Variants in FILIP1L observed in about 807,000 individuals in gnomAD.
FILIP1L encodes filamin A-interacting protein 1-like.
In FILIP1L, 55 loss-of-function variants were observed where a neutral mutation model predicts 96.6. The observed-to-expected ratio is 0.57, with a 90% CI of 0.46 to 0.71. The LOEUF (loss-of-function observed/expected upper bound fraction) is 0.71, where lower values mean the gene tolerates loss of function less well. Among genes scored for constraint, FILIP1L ranks in the 30% least tolerant of loss-of-function variants. FILIP1L has a pLI of 0.00. For missense variants in FILIP1L, 1,304 were observed against 1,321.2 expected (o/e 0.99, Z 0.20); for synonymous variants, 467 against 473.9 (o/e 0.99, Z 0.19).
chr3:99,919,244 TA>T (rs1432058898), intron 4 of FILIP1L, among the ~76,000 whole-genome samples: 2 of 151,956 alleles, frequency 1.3e-5, no homozygotes, highest in Non-Finnish European at 2.9e-5. Context: ...GCATTAATGT[TA>T]TTACATTAGT....
chr3:99,990,554 A>C (rs923465735), intron 1 of FILIP1L, among the ~76,000 whole-genome samples: 8 of 152,210 alleles, frequency 5.3e-5, no homozygotes, highest in Non-Finnish European at 1.2e-4. Flanking sequence ...GTTTTCAGTC[A>C]TGGCCACAAT....
At chr3:100,067,574 C>G (rs538187124) in intron 1 of FILIP1L, among the ~76,000 whole-genome samples, 1 of 152,120 alleles carries the variant, frequency 6.6e-6, no homozygotes, top group Non-Finnish European at 1.5e-5. Flanking sequence ...GATTCAGATA[C>G]AGGTTTATTT....
intron 1 of FILIP1L, among the ~76,000 whole-genome samples, chr3:100,007,465 A>C (rs1372222396): frequency 1.3e-5 from 2 of 152,216 alleles, no homozygotes; most frequent in East Asian, 3.8e-4. Flanking sequence ...AAAAATGAGA[A>C]GATGAAATGA....
chr3:99,915,716 A>G (rs1706930213), intron 4 of FILIP1L, among the ~76,000 whole-genome samples: 1 of 152,078 alleles, frequency 6.6e-6, no homozygotes, highest in Non-Finnish European at 1.5e-5. Context: ...CAATTCTCCT[A>G]CACTAAAGGA....
chr3:100,091,849 T>G (rs908720321), intron 1 of FILIP1L, among the ~76,000 whole-genome samples: 1 of 152,230 alleles, frequency 6.6e-6, no homozygotes, highest in African/African-American at 2.4e-5. Flanking sequence ...TTGTTCCGAT[T>G]CCACGTTGGG....
At chr3:99,938,750 C>T (rs1707768853) in intron 1 of FILIP1L, among the ~76,000 whole-genome samples, 1 of 152,008 alleles carries the variant, frequency 6.6e-6, no homozygotes, top group Admixed American at 6.5e-5. Flanking sequence ...ATGTTAATAG[C>T]GCTCAGTTGC....
At chr3:100,103,939 C>G (rs532888685) in intron 1 of FILIP1L, among the ~76,000 whole-genome samples, 1 of 152,252 alleles carries the variant, frequency 6.6e-6, no homozygotes, top group South Asian at 2.1e-4. Context: ...GCCAAGGTTC[C>G]TGACAGCTTG....
At chr3:99,989,465 T>C (rs546975778) in intron 1 of FILIP1L, among the ~76,000 whole-genome samples, 12 of 152,308 alleles carry the variant, frequency 7.9e-5, no homozygotes, top group Admixed American at 7.8e-4. Context: ...ACTACAGCAC[T>C]CTGGATGTTT....
At chr3:99,900,760 G>A (rs540974203) in intron 4 of FILIP1L, among the ~76,000 whole-genome samples, 1 of 152,330 alleles carries the variant, frequency 6.6e-6, no homozygotes, top group South Asian at 2.1e-4. Context: ...CCTGGTGTGA[G>A]CTTTTAGCAC....
At chr3:99,880,397 A>T (rs953121902) in intron 4 of FILIP1L, among the ~76,000 whole-genome samples, 1 of 152,242 alleles carries the variant, frequency 6.6e-6, no homozygotes, top group African/African-American at 2.4e-5. Flanking sequence ...TATATATATG[A>T]ACTGCAGGTC....
chr3:99,981,722 G>A (rs537260666), intron 1 of FILIP1L, among the ~76,000 whole-genome samples: 182 of 152,320 alleles, frequency 1.2e-3, no homozygotes, highest in African/African-American at 4.2e-3. Flanking sequence ...AACCAGGTCT[G>A]CCTGATTCCA....
At chr3:99,916,729 A>G (rs1455509948) in intron 4 of FILIP1L, among the ~76,000 whole-genome samples, 1 of 152,142 alleles carries the variant, frequency 6.6e-6, no homozygotes, top group Non-Finnish European at 1.5e-5. Context: ...TTCATGGTCC[A>G]TGCTCCACGT....
intron 1 of FILIP1L, among the ~76,000 whole-genome samples, chr3:99,991,994 G>A (rs529185236): frequency 5.0e-4 from 72 of 145,384 alleles, no homozygotes; most frequent in African/African-American, 1.6e-3. Flanking sequence ...GTATATATAC[G>A]TATATATATG....
intron 4 of FILIP1L, among the ~76,000 whole-genome samples, chr3:99,859,085 C>T (rs1250378837): frequency 6.6e-6 from 1 of 152,222 alleles, no homozygotes; most frequent in Non-Finnish European, 1.5e-5. Context: ...TTTCATAAGA[C>T]ATTGTGTTTT....
At position 100,044,271 on chromosome 3, in the gene FILIP1L, A is replaced by G. The variant is rs562220345; in HGVS notation, c.-11+69782T>C. ...CGATGCAGTTGTTTACAAGATTGACATGGTCTTTGCCCTAATGAAGTTTAT... is the reference window on the plus strand; with the variant it reads ...CGATGCAGTTGTTTACAAGATTGACGTGGTCTTTGCCCTAATGAAGTTTAT... On this transcript the variant is annotated intron_variant, in intron 1 of 5. Coordinates refer to ENST00000477258, the MANE Select transcript of FILIP1L (RefSeq NM_001387850.1). Among the ~76,000 whole-genome samples the G allele has an allele frequency of 5.9e-5, 9 of 152,366 alleles. No individual in the cohort carries two copies. The East Asian group carries it at 1.7e-3, about 29-fold the overall frequency.
chr3:99,959,750 T>A (rs1446417966), intron 1 of FILIP1L, among the ~76,000 whole-genome samples: 1 of 152,144 alleles, frequency 6.6e-6, no homozygotes, highest in Non-Finnish European at 1.5e-5. Context: ...TCACATTAGC[T>A]CCCAGAGGAC....
chr3:100,089,763 G>A (rs763051261), intron 1 of FILIP1L, among the ~76,000 whole-genome samples: 14 of 152,202 alleles, frequency 9.2e-5, no homozygotes, highest in Non-Finnish European at 1.6e-4. Flanking sequence ...GAAGACACCC[G>A]TGGCTAATTG....
intron 1 of FILIP1L, among the ~76,000 whole-genome samples, chr3:100,014,726 A>G (rs770885982): frequency 6.8e-6 from 1 of 147,704 alleles, no homozygotes; most frequent in African/African-American, 2.5e-5. Flanking sequence ...TATGTTTTGG[A>G]TATTGGATAT....
chr3:99,924,849 A>G (rs704583), intron 3 of FILIP1L, among the ~76,000 whole-genome samples: 40,316 of 152,012 alleles, frequency 0.27, 6,053 homozygotes, highest in Admixed American at 0.34. Flanking sequence ...CTCCTTGTTT[A>G]GTGTTTATTC....
Sources: allele counts gnomAD v4.1 joint callset (sites outside exome capture counted in the v4.1 genomes callset), GRCh38; gene constraint gnomAD v4.1.1; transcripts MANE v1.5; gene names NCBI Gene and HGNC (gene_info 2026-07-23, HGNC 2026-07-21).